Variants in SLC24A2 observed in about 807,000 individuals in gnomAD.
The protein encoded by SLC24A2 is solute carrier family 24 member 2.
A neutral mutation model predicts 62.0 loss-of-function variants in SLC24A2; 36 were observed. The ratio of observed to expected loss-of-function variants is 0.58; its 90% CI spans 0.44 to 0.77. The LOEUF (loss-of-function observed/expected upper bound fraction) is 0.77, where lower values mean the gene tolerates loss of function less well. Among genes scored for constraint, SLC24A2 ranks in the 30% least tolerant of loss-of-function variants. The pLI is 0.00. For synonymous variants in SLC24A2, 358 were observed against 294.0 expected (o/e 1.22, Z -2.23); for missense variants, 846 against 817.9 (o/e 1.03, Z -0.42).
chr9:19,597,142 G>C, intron 5 of SLC24A2, 87 bp downstream of exon 5: 5 of 873,090 alleles, frequency 5.7e-6, no homozygotes, highest in Admixed American at 3.6e-5. Flanking sequence ...GTCATGCAGA[G>C]AGGAAAAAAA....
the SLC24A2 span, among the ~76,000 whole-genome samples, chr9:20,033,895 T>G: frequency 6.6e-6 from 1 of 152,182 alleles, no homozygotes; most frequent in Non-Finnish European, 1.5e-5. Context: ...ACCCTTTTAC[T>G]CCTTTAATAA....
chr9:19,818,578 A>G, the SLC24A2 span, among the ~76,000 whole-genome samples: 1 of 152,176 alleles, frequency 6.6e-6, no homozygotes, highest in Non-Finnish European at 1.5e-5. Flanking sequence ...CAGAGAATCA[A>G]ATCAATAACT....
intron 2 of SLC24A2, among the ~76,000 whole-genome samples, chr9:19,731,023 T>C (rs1821318958): frequency 1.3e-5 from 2 of 152,154 alleles, no homozygotes; most frequent in African/African-American, 4.8e-5. Context: ...TAAGTGATAA[T>C]TGATTTGTCT....
the SLC24A2 span, among the ~76,000 whole-genome samples, chr9:19,807,434 A>G: frequency 7.2e-5 from 11 of 152,342 alleles, no homozygotes; most frequent in African/African-American, 2.6e-4. Flanking sequence ...GAGAACTGAT[A>G]TGTTAGAAGA....
chr9:19,622,115 T>C, intron 3 of SLC24A2, 146 bp downstream of exon 3: 1 of 695,408 alleles, frequency 1.4e-6, no homozygotes, highest in South Asian at 1.6e-5. Context: ...TAGCACGGAG[T>C]AGAAGTACAC....
chr9:19,809,159 G>A, the SLC24A2 span, among the ~76,000 whole-genome samples: 5 of 151,824 alleles, frequency 3.3e-5, no homozygotes, highest in East Asian at 5.8e-4. Flanking sequence ...TTTTTTATAC[G>A]TCCACAGGAG....
Position 19,789,013 on chromosome 9 carries a change from G to T in SLC24A2, c.-282C>A. Reference sequence around the variant, plus strand: ...CTCGCACTGGCTGCCGCTCTCGCCAGCCGGGCTGGGTTCGGGAGGAGACTG... The same window carrying T: ...CTCGCACTGGCTGCCGCTCTCGCCATCCGGGCTGGGTTCGGGAGGAGACTG... On this transcript the variant is annotated 5_prime_UTR_variant, in exon 1 of 11. The change creates a new upstream start codon in the 5' untranslated region. Coordinates refer to ENST00000341998, the MANE Select transcript of SLC24A2 (RefSeq NM_020344.4). 1 of 932,766 alleles carries T rather than the reference G, an allele frequency of 1.1e-6. No individual in the cohort carries two copies. The allele number at this position is 932,766 out of a possible 1,614,324, so 57.8% of individuals were successfully genotyped here. A position where few individuals can be genotyped will look rare whatever the true frequency, so the allele number is the denominator to read the frequency against.
the SLC24A2 span, among the ~76,000 whole-genome samples, chr9:20,169,099 C>G: frequency 2.0e-5 from 3 of 151,928 alleles, no homozygotes; most frequent in African/African-American, 7.2e-5. Flanking sequence ...AAGCCAGACA[C>G]AGAAGGACCC....
chr9:19,993,354 T>C, the SLC24A2 span, among the ~76,000 whole-genome samples: 1 of 152,224 alleles, frequency 6.6e-6, no homozygotes, highest in African/African-American at 2.4e-5. Flanking sequence ...GTCCAAAGAA[T>C]AGAATATATA....
chr9:20,292,627 A>C, the SLC24A2 span, among the ~76,000 whole-genome samples: 1 of 152,046 alleles, frequency 6.6e-6, no homozygotes, highest in Non-Finnish European at 1.5e-5. Context: ...TGTTTTTGGG[A>C]TAGTATCTCG....
the SLC24A2 span, among the ~76,000 whole-genome samples, chr9:19,811,796 C>A: frequency 2.0e-5 from 3 of 151,998 alleles, no homozygotes; most frequent in African/African-American, 7.2e-5. Flanking sequence ...ATATTTTAAA[C>A]CTTGCAAGAC....
chr9:20,230,753 C>G, the SLC24A2 span, among the ~76,000 whole-genome samples: 1 of 152,124 alleles, frequency 6.6e-6, no homozygotes, highest in Non-Finnish European at 1.5e-5. Context: ...TCCCATTTGT[C>G]AATTTTGGCT....
the SLC24A2 span, among the ~76,000 whole-genome samples, chr9:20,210,922 C>A: frequency 1.3e-5 from 2 of 151,944 alleles, no homozygotes; most frequent in Non-Finnish European, 1.5e-5. Context: ...TGTTGCTGCC[C>A]GCTTCAGGTC....
chr9:20,180,090 A>C, the SLC24A2 span, among the ~76,000 whole-genome samples: 1 of 152,194 alleles, frequency 6.6e-6, no homozygotes, highest in African/African-American at 2.4e-5. Context: ...ATCTAGATAG[A>C]GTGTGGTATA....
chr9:19,698,683 C>A (rs978469127), intron 2 of SLC24A2, among the ~76,000 whole-genome samples: 1 of 152,144 alleles, frequency 6.6e-6, no homozygotes, highest in Non-Finnish European at 1.5e-5. Flanking sequence ...AAGAAATTTG[C>A]TTTAGCTATA....
the SLC24A2 span, among the ~76,000 whole-genome samples, chr9:20,301,087 C>T: frequency 1.3e-5 from 2 of 152,202 alleles, no homozygotes; most frequent in African/African-American, 2.4e-5. Context: ...CTTCTCCCAC[C>T]TGAAGAGGCC....
chr9:19,639,189 G>A (rs542300755), intron 2 of SLC24A2, among the ~76,000 whole-genome samples: 3 of 152,052 alleles, frequency 2.0e-5, no homozygotes, highest in Non-Finnish European at 4.4e-5. Context: ...TTGTTAAAAA[G>A]CACCACTTTA....
chr9:20,153,858 T>G, the SLC24A2 span, among the ~76,000 whole-genome samples: 2 of 151,966 alleles, frequency 1.3e-5, no homozygotes, highest in Non-Finnish European at 2.9e-5. Context: ...GTTTCTAAAT[T>G]TTCTATATAA....
chr9:20,269,176 G>C, the SLC24A2 span, among the ~76,000 whole-genome samples: 1 of 152,126 alleles, frequency 6.6e-6, no homozygotes, highest in Non-Finnish European at 1.5e-5. Flanking sequence ...GGGGGTCTTA[G>C]CCGTGAAGGA....
Sources: allele counts gnomAD v4.1 joint callset (sites outside exome capture counted in the v4.1 genomes callset), GRCh38; gene constraint gnomAD v4.1.1; transcripts MANE v1.5; gene names NCBI Gene and HGNC (gene_info 2026-07-23, HGNC 2026-07-21).